The following TMEM232 variants were observed in gnomAD, a reference collection of about 807,000 sequenced individuals.
TMEM232 encodes the protein transmembrane protein 232.
A neutral mutation model predicts 78.8 loss-of-function variants in TMEM232; 80 were observed. That is an observed-to-expected ratio of 1.01 (90% CI 0.85 to 1.22). The LOEUF (loss-of-function observed/expected upper bound fraction) is 1.22. Among genes scored for constraint, TMEM232 ranks in the 50% most tolerant of loss-of-function variants. TMEM232 has a pLI of 0.00. For synonymous variants in TMEM232, 297 were observed against 254.3 expected, an observed-to-expected ratio of 1.17 and a Z score of -1.60; for missense variants, 881 against 742.2, an observed-to-expected ratio of 1.19 and a Z score of -2.17.
At chr5:110,635,105 G>A (rs982916096) in intron 5 of TMEM232, among the ~76,000 whole-genome samples, 2 of 151,906 alleles carry the variant, frequency 1.3e-5, no homozygotes, top group African/African-American at 4.8e-5. Flanking sequence ...ATAAATTCCT[G>A]AAAACATACA....
chr5:110,563,851 T>A (rs1479094195), intron 11 of TMEM232, among the ~76,000 whole-genome samples: 2 of 151,906 alleles, frequency 1.3e-5, no homozygotes, highest in Non-Finnish European at 2.9e-5. Context: ...TTCAAGACAA[T>A]ATAATTCAAG....
rs142659336 is a variant in TMEM232 at position 110,692,190 on chromosome 5, C to T, written c.-12-24826G>A. On this transcript the variant is annotated intron_variant, in intron 1 of 13. Transcript: ENST00000455884. ...CCGCCTCGGCCTCCAAAAGTGCTGG[C>T]ATTACAGTTGTCAGCCACGACGCCC... Among the ~76,000 whole-genome samples, 313 of 152,252 alleles carry T rather than the reference C, an allele frequency of 2.1e-3. 2 individuals carry two copies. The highest frequency in any genetic ancestry group is 7.1e-3 in the African/African-American group (296 of 41,546).
chr5:110,687,576 G>T (rs1793573126), intron 1 of TMEM232, among the ~76,000 whole-genome samples: 1 of 152,030 alleles, frequency 6.6e-6, no homozygotes, highest in Admixed American at 6.6e-5. Flanking sequence ...GGACTATCCA[G>T]ATTCCTGGAG....
chr5:110,703,432 C>G (rs143107366), intron 1 of TMEM232, among the ~76,000 whole-genome samples: 113 of 152,192 alleles, frequency 7.4e-4, no homozygotes, highest in African/African-American at 2.7e-3. Flanking sequence ...ACTAGCATAG[C>G]TTATAAGGTT....
chr5:110,675,089 T>A (rs1475050386), intron 1 of TMEM232, among the ~76,000 whole-genome samples: 3 of 152,072 alleles, frequency 2.0e-5, no homozygotes, highest in Admixed American at 1.3e-4. Flanking sequence ...TCACCCAGGC[T>A]GGATGGAGTG....
At chr5:110,595,639 C>G (rs940976885) in intron 10 of TMEM232, among the ~76,000 whole-genome samples, 1 of 152,056 alleles carries the variant, frequency 6.6e-6, no homozygotes, top group Non-Finnish European at 1.5e-5. Context: ...ACACAAGTAT[C>G]AATAGCTGAA....
rs544879842 is a variant in TMEM232 at position 110,516,186 on chromosome 5, C to A, written c.1703+12402G>T. ...CCTGGGAGGCGGAGCTTGCAGTGAGCCGAGATCGCGCCACTGCACTTCAGC... is the reference window on the plus strand; with the variant it reads ...CCTGGGAGGCGGAGCTTGCAGTGAGACGAGATCGCGCCACTGCACTTCAGC... On this transcript the variant is annotated intron_variant, in intron 12 of 13. Transcript: ENST00000455884. Among the ~76,000 whole-genome samples, 105 of 152,204 alleles carry A rather than the reference C, an allele frequency of 6.9e-4. 1 individual carries two copies. The highest frequency in any genetic ancestry group is 2.5e-3 in the African/African-American group (103 of 41,548).
intron 5 of TMEM232, among the ~76,000 whole-genome samples, chr5:110,632,326 G>A (rs1361529809): frequency 3.3e-5 from 5 of 150,922 alleles, no homozygotes; most frequent in Non-Finnish European, 5.9e-5. Flanking sequence ...AGTTATCAAC[G>A]TAAGGAAACA....
intron 2 of TMEM232, among the ~76,000 whole-genome samples, chr5:110,664,109 C>T (rs1355376394): frequency 6.6e-6 from 1 of 151,996 alleles, no homozygotes; most frequent in Non-Finnish European, 1.5e-5. Flanking sequence ...CACTGCACTC[C>T]AGCCTGGGAG....
At chr5:110,612,051 T>C (rs745602227) in intron 8 of TMEM232, among the ~76,000 whole-genome samples, 3 of 152,144 alleles carry the variant, frequency 2.0e-5, no homozygotes, top group Non-Finnish European at 2.9e-5. Flanking sequence ...AGTTCAAATA[T>C]GAACTGGCAG....
chr5:110,498,426 C>T (rs1033931932), intron 12 of TMEM232, among the ~76,000 whole-genome samples: 2 of 152,038 alleles, frequency 1.3e-5, no homozygotes, highest in African/African-American at 2.4e-5. Context: ...CACATGGGAG[C>T]CTTAACATTA....
chr5:110,414,550 A>G (rs150205434), downstream of TMEM232, among the ~76,000 whole-genome samples: 2 of 152,356 alleles, frequency 1.3e-5, no homozygotes, highest in African/African-American at 4.8e-5. Context: ...CTAGAGGTTT[A>G]GAAAACCATT....
chr5:110,713,940 G>C (rs1796758304), intron 1 of TMEM232, among the ~76,000 whole-genome samples: 1 of 152,218 alleles, frequency 6.6e-6, no homozygotes. Flanking sequence ...GTTCCAGGTG[G>C]TTGGTGGGTT....
intron 1 of TMEM232, among the ~76,000 whole-genome samples, chr5:110,720,344 T>C (rs949380095): frequency 6.6e-6 from 1 of 152,076 alleles, no homozygotes; most frequent in South Asian, 2.1e-4. Context: ...CTGGGTGAAG[T>C]AAGGGAGCCC....
chr5:110,556,895 G>A (rs1775154091), intron 11 of TMEM232, among the ~76,000 whole-genome samples: 1 of 152,052 alleles, frequency 6.6e-6, no homozygotes, highest in African/African-American at 2.4e-5. Flanking sequence ...TCACATAGTT[G>A]CTCTGAATTT....
intron 3 of TMEM232, among the ~76,000 whole-genome samples, chr5:110,395,836 G>C (rs1409325906): frequency 1.3e-5 from 2 of 152,040 alleles, no homozygotes; most frequent in Non-Finnish European, 2.9e-5. Context: ...TTAAAGGGAG[G>C]GAGCACACTT....
At chr5:110,462,186 T>G (rs1235891375) in intron 12 of TMEM232, among the ~76,000 whole-genome samples, 1 of 152,146 alleles carries the variant, frequency 6.6e-6, no homozygotes, top group African/African-American at 2.4e-5. Flanking sequence ...CATTCATGAT[T>G]TATGGGAGGA....
intron 10 of TMEM232, among the ~76,000 whole-genome samples, chr5:110,587,744 T>C (rs981539640): frequency 1.1e-4 from 15 of 130,920 alleles, no homozygotes; most frequent in Non-Finnish European, 2.3e-4. Flanking sequence ...TGTGTCAAAC[T>C]TGTCAGGCTG....
intron 1 of TMEM232, among the ~76,000 whole-genome samples, chr5:110,716,905 G>A (rs981835993): frequency 9.9e-5 from 15 of 152,130 alleles, no homozygotes; most frequent in African/African-American, 3.6e-4. Flanking sequence ...TGTAGCAATG[G>A]TACAGGATAA....
Sources: allele counts gnomAD v4.1 joint callset (sites outside exome capture counted in the v4.1 genomes callset), GRCh38; gene constraint gnomAD v4.1.1; transcripts MANE v1.5; gene names NCBI Gene and HGNC (gene_info 2026-07-23, HGNC 2026-07-21).